The following SLC25A53 variants were observed in gnomAD, a reference collection of about 807,000 sequenced individuals.
SLC25A53 encodes the protein mitochondrial carrier triple repeat protein 6.
In SLC25A53, 5 loss-of-function variants were observed where a neutral mutation model predicts 15.0. The ratio of observed to expected loss-of-function variants is 0.33; its 90% CI spans 0.17 to 0.70. SLC25A53 has a LOEUF of 0.70. SLC25A53 is among the 30% of genes least tolerant of loss of function. The pLI is 0.67. For missense variants in SLC25A53, 216 were observed against 241.6 expected, an observed-to-expected ratio of 0.89 and a Z score of 0.70; for synonymous variants, 95 against 100.0, an observed-to-expected ratio of 0.95 and a Z score of 0.30.
At chrX:104,142,920 CAA>C (rs1216011123) in intron 1 of SLC25A53, among the ~76,000 whole-genome samples, 11 of 33,932 alleles carry the variant, frequency 3.2e-4, no homozygotes, top group Middle Eastern at 0.015. Flanking sequence ...GACTCCATCT[CAA>C]AAAAAAAAAA....
chrX:104,118,708 G>T (rs2147870907), intron 1 of SLC25A53, among the ~76,000 whole-genome samples: 1 of 112,545 alleles, frequency 8.9e-6, no homozygotes, highest in African/African-American at 3.2e-5. Context: ...TAAGACACTG[G>T]ACTGACTGAT....
At chrX:104,142,764 A>T (rs937462524) in intron 1 of SLC25A53, among the ~76,000 whole-genome samples, 8 of 107,527 alleles carry the variant, frequency 7.4e-5, no homozygotes, top group African/African-American at 2.0e-4. Flanking sequence ...AACTACAAAA[A>T]AAAAAAATTA....
intron 1 of SLC25A53, among the ~76,000 whole-genome samples, chrX:104,134,942 C>T (rs782202623): frequency 2.2e-4 from 24 of 110,851 alleles, no homozygotes; most frequent in Non-Finnish European, 2.5e-4. Flanking sequence ...CATAAGAGCC[C>T]GAATGGACTT....
At chrX:104,155,704 G>A (rs144578786) in intron 1 of SLC25A53, among the ~76,000 whole-genome samples, 1 of 110,829 alleles carries the variant, frequency 9.0e-6, no homozygotes, top group Non-Finnish European at 1.9e-5. Context: ...TTCCAGAGGC[G>A]CCTGGAAGTC....
chrX:104,150,204 G>A (rs1369332505), intron 1 of SLC25A53, among the ~76,000 whole-genome samples: 2 of 104,939 alleles, frequency 1.9e-5, no homozygotes, highest in Non-Finnish European at 3.9e-5. Context: ...CTGCACTCCA[G>A]TCTGGGTGAC....
At chrX:104,150,458 C>T (rs1432224787) in intron 1 of SLC25A53, among the ~76,000 whole-genome samples, 2 of 110,899 alleles carry the variant, frequency 1.8e-5, no homozygotes, top group Non-Finnish European at 3.8e-5. Flanking sequence ...GGTGTTCTCC[C>T]GATGAACATA....
At chrX:104,121,335 T>A (rs1476944445) in intron 1 of SLC25A53, among the ~76,000 whole-genome samples, 1 of 112,516 alleles carries the variant, frequency 8.9e-6, no homozygotes, top group East Asian at 2.8e-4. Context: ...GAGCCATTCA[T>A]TACCTTGTTT....
rs2075274634 is a variant in SLC25A53, at chrX:104,100,229, C to A, written c.*4105G>T. 9.0e-6 allele frequency: 1 copy of A among 111,476 alleles called. No individual in the cohort carries two copies. The highest frequency in any genetic ancestry group is 3.7e-4 in the South Asian group (1 of 2,686). 9.2% of individuals were successfully genotyped at this position (111,476 alleles called of 1,213,427 possible). On this transcript the variant is annotated 3_prime_UTR_variant, in exon 2 of 2. Coordinates refer to ENST00000594199, the MANE Select transcript of SLC25A53 (RefSeq NM_001012755.5). The stretch of plus-strand genomic sequence containing the variant: ...TAAAACGTTATTATTTCAACTTGAG[C>A]TTTATAAAAGCTGATGTAGTTTATA...
In SLC25A53 at chrX:104,103,884, C is replaced by T. The variant is rs2075292700; in HGVS notation, c.*450G>A. The T allele has an allele frequency of 8.5e-6, 1 of 117,832 alleles. No individual in the cohort carries two copies. Among genetic ancestry groups the T allele is most frequent in the South Asian group, 3.2e-4 (1 of 3,153 alleles). The allele number at this position is 117,832 out of a possible 1,213,427, so 9.7% of individuals were successfully genotyped here. ...GTGAACAATATCATGAAAATGTAGC[C>T]ATCTGAGAAGTTTTATGGAATTCCC... On this transcript the variant is annotated 3_prime_UTR_variant, in exon 2 of 2. Coordinates refer to ENST00000594199, the MANE Select transcript of SLC25A53 (RefSeq NM_001012755.5).
chrX:104,137,424 T>C (rs2075439236), intron 1 of SLC25A53, among the ~76,000 whole-genome samples: 1 of 110,574 alleles, frequency 9.0e-6, no homozygotes, highest in African/African-American at 3.3e-5. Context: ...ACTGTAGCCC[T>C]GCACCCCCCA....
intron 1 of SLC25A53, among the ~76,000 whole-genome samples, chrX:104,121,611 C>G: frequency 9.2e-6 from 1 of 109,264 alleles, no homozygotes; most frequent in Non-Finnish European, 1.9e-5. Flanking sequence ...GACTTTAATA[C>G]TTAATAATAT....
intron 1 of SLC25A53, among the ~76,000 whole-genome samples, chrX:104,146,725 C>T (rs2075468462): frequency 9.1e-6 from 1 of 110,040 alleles, no homozygotes; most frequent in Non-Finnish European, 1.9e-5. Context: ...GAATAAAATA[C>T]CTAGGAATCC....
intron 1 of SLC25A53, among the ~76,000 whole-genome samples, chrX:104,150,638 C>T (rs1556370181): frequency 8.9e-6 from 1 of 112,409 alleles, no homozygotes; most frequent in African/African-American, 3.2e-5. Flanking sequence ...ACCGGTGCTA[C>T]TTTACCAATT....
At chrX:104,108,392 CA>C (rs5903234) in intron 1 of SLC25A53, among the ~76,000 whole-genome samples, 2 of 110,784 alleles carry the variant, frequency 1.8e-5, no homozygotes, top group Non-Finnish European at 3.8e-5. Flanking sequence ...TAAGAAGGAT[CA>C]AAAAAAGATG....
At chrX:104,106,807 T>C (rs1303231217) in intron 1 of SLC25A53, among the ~76,000 whole-genome samples, 1 of 110,018 alleles carries the variant, frequency 9.1e-6, no homozygotes, top group East Asian at 2.9e-4. Flanking sequence ...CTCCCCACAA[T>C]CCCATTCCTA....
rs1225939062 is a variant in SLC25A53, at chrX:104,103,227, G to A, written c.*1107C>T. The stretch of plus-strand genomic sequence containing the variant: ...GAACTCCATAGAGAAGGTGACCTCT[G>A]AGCTGGGCTTCAAGGAACTGGAAGG... On this transcript the variant is annotated 3_prime_UTR_variant, in exon 2 of 2. Transcript: ENST00000594199. The A allele has an allele frequency of 4.5e-5, 5 of 111,073 alleles. No homozygotes were observed. Among genetic ancestry groups the A allele is most frequent in the African/African-American group, 1.6e-4 (5 of 30,376 alleles). The allele number at this position is 111,073 out of a possible 1,213,427, so 9.2% of individuals were successfully genotyped here.
intron 1 of SLC25A53, among the ~76,000 whole-genome samples, chrX:104,156,211 A>G (rs1235608766): frequency 6.3e-5 from 7 of 111,347 alleles, no homozygotes; most frequent in Non-Finnish European, 1.3e-4. Flanking sequence ...TTTGTCTTCA[A>G]AATATATGTT....
At chrX:104,154,929 G>C (rs111298070) in intron 1 of SLC25A53, among the ~76,000 whole-genome samples, 4,359 of 111,475 alleles carry the variant, frequency 0.039, 182 homozygotes, top group African/African-American at 0.13. Flanking sequence ...TTTAGGTGAT[G>C]AATATGTTAT....
chrX:104,119,107 T>C (rs1556362156), intron 1 of SLC25A53, among the ~76,000 whole-genome samples: 1 of 111,865 alleles, frequency 8.9e-6, no homozygotes, highest in Non-Finnish European at 1.9e-5. Context: ...GAGAGATAAA[T>C]TGTTCAATTC....
Sources: gnomAD v4.1 joint callset for allele counts (sites outside exome capture counted in the v4.1 genomes callset) on GRCh38, gnomAD v4.1.1 for gene constraint, MANE v1.5 for transcripts, NCBI Gene and HGNC (gene_info 2026-07-23, HGNC 2026-07-21) for gene names.